Variants in AATK observed in about 807,000 individuals in gnomAD.
The protein encoded by AATK is serine/threonine-protein kinase LMTK1.
Under a neutral mutation model 114.3 loss-of-function variants are expected in AATK, and 91 were observed. The ratio of observed to expected loss-of-function variants is 0.80; its 90% CI spans 0.67 to 0.95. The LOEUF (loss-of-function observed/expected upper bound fraction) is 0.95, where lower values mean the gene tolerates loss of function less well. Ranked by LOEUF, AATK falls within the 40% of genes least tolerant of loss-of-function variation. The probability of loss-of-function intolerance (pLI) is 0.00; values close to 1 mark genes in which losing one functional copy is unlikely to be tolerated. For synonymous variants in AATK, 1,075 were observed against 916.5 expected (o/e 1.17, Z -3.12); for missense variants, 2,176 against 1,965.2 (o/e 1.11, Z -2.03).
At chr17:81,161,489 T>C (rs2061429145) in intron 1 of AATK, among the ~76,000 whole-genome samples, 1 of 152,094 alleles carries the variant, frequency 6.6e-6, no homozygotes, top group Non-Finnish European at 1.5e-5. Flanking sequence ...CGGGCATGGG[T>C]TTGGGGTGAC....
At chr17:81,137,150 C>G (rs948876090) in intron 1 of AATK, among the ~76,000 whole-genome samples, 1 of 151,694 alleles carries the variant, frequency 6.6e-6, no homozygotes, top group African/African-American at 2.4e-5. Flanking sequence ...CCAAGCCACA[C>G]AGGAGGCTGA....
chr17:81,119,987 T>TG lies in AATK; in HGVS notation c.3831dup (p.Asn1278GlnfsTer7). On this transcript the variant is annotated frameshift_variant, in exon 12 of 14. Transcript: ENST00000326724. LOFTEE classifies it high-confidence loss of function. ...GAGCCATCAGCCTGCTGCGGCCGGT[T>TG]GGGGGCGCTGGGAGAGCCGGGGCTC... The TG allele has an allele frequency of 6.9e-7, 1 of 1,446,388 alleles. No homozygotes were observed. 89.6% of individuals were successfully genotyped at this position (1,446,388 alleles called of 1,614,324 possible).
intron 1 of AATK, among the ~76,000 whole-genome samples, chr17:81,137,740 TG>T (rs1475999996): frequency 6.6e-6 from 1 of 151,368 alleles, no homozygotes. Flanking sequence ...GAAACATACA[TG>T]CACACGTAGC....
At chr17:81,142,061 T>G (rs1426607235) in intron 1 of AATK, among the ~76,000 whole-genome samples, 1 of 151,768 alleles carries the variant, frequency 6.6e-6, no homozygotes, top group Non-Finnish European at 1.5e-5. Flanking sequence ...GTTCAAGTGA[T>G]TCTCCCACCT....
chr17:81,128,452 C>A lies in AATK; in HGVS notation c.414+18G>T, dbSNP rs1402269667. The A allele has an allele frequency of 3.2e-6, 5 of 1,548,632 alleles. No homozygotes were observed. The highest frequency in any genetic ancestry group is 1.7e-6 in the Non-Finnish European group (2 of 1,146,770). On this transcript the variant is annotated intron_variant, in intron 4 of 13. Coordinates refer to ENST00000326724, the MANE Select transcript of AATK (RefSeq NM_001080395.3). Reference sequence around the variant, plus strand: ...TGCCTCCCAGGCGGGAGTCCTCCCTCCCAGGCGGGACACGTACCTTCCCGA... The same window carrying A: ...TGCCTCCCAGGCGGGAGTCCTCCCTACCAGGCGGGACACGTACCTTCCCGA...
At chr17:81,157,135 G>T (rs909050912) in intron 1 of AATK, among the ~76,000 whole-genome samples, 5 of 152,236 alleles carry the variant, frequency 3.3e-5, no homozygotes, top group Non-Finnish European at 5.9e-5. Context: ...CAGGGCAGGG[G>T]CTGTAAGTCA....
At position 81,121,010 on chromosome 17, in the gene AATK, CG is replaced by C; in HGVS notation, c.2925del (p.Glu976ArgfsTer128). On this transcript the variant is annotated frameshift_variant, in exon 11 of 14. Coordinates refer to ENST00000326724, the MANE Select transcript of AATK (RefSeq NM_001080395.3). LOFTEE classifies it high-confidence loss of function. ...CTGAGGGAGGTGGAGAGCCGTGTCT[CG>C]GGCCCGGGGCCCTCACCCTCTGAGG... is the stretch of plus-strand genomic sequence containing the variant. ...ELASEGEGPGPETRLSTSLSG... is the reference protein window; with the variant it reads ...ELASEGEGPGXETRLSTSLSG... 1 of 1,610,260 alleles carries C rather than the reference CG, an allele frequency of 6.2e-7. No homozygotes were observed.
chr17:81,160,317 C>CCCCCCCCCCCCCCA, intron 1 of AATK: 1 of 951,538 alleles, frequency 1.1e-6, no homozygotes, highest in Non-Finnish European at 1.3e-6. Flanking sequence ...CAGCCCGCCC[C>CCCCCCCCCCCCCCA]AGCCCCACCC....
In AATK at chr17:81,134,505, C is replaced by T. The variant is rs746531911; in HGVS notation, c.56-4G>A. 5.7e-5 allele frequency: 91 copies of T among 1,610,006 alleles called. No individual in the cohort carries two copies. Among genetic ancestry groups the T allele is most frequent in the Admixed American group, 2.0e-4 (12 of 59,582 alleles). Reference sequence around the variant, plus strand: ...AGCTCGCTGAGCGGGGCGCCGTCTGCGGGAGAGCAGTGTGGTGAGAGTGGC... The same window carrying T: ...AGCTCGCTGAGCGGGGCGCCGTCTGTGGGAGAGCAGTGTGGTGAGAGTGGC... On this transcript the variant is annotated splice_polypyrimidine_tract_variant and splice_region_variant and intron_variant, in intron 1 of 13. Transcript: ENST00000326724.
At position 81,120,344 on chromosome 17, in the gene AATK, C is replaced by T; in HGVS notation, c.3592G>A (p.Val1198Met). ...EEEAPAVPVV[V>M]AESQSARNLR... ...TTGCGCGCGCTCTGGCTCTCAGCCA[C>T]CACCACGGGCACCGCCGGCGCCTCC... is the stretch of plus-strand genomic sequence containing the variant. The change falls in exon 11 of 14, where the codon GTG becomes ATG. Residue 1198 changes from valine to methionine, a missense_variant. By Grantham distance (21) the Val-to-Met change is conservative. This residue lies in a region of AATK where 1,701 missense variants were observed against 1,394.7 expected (regional missense o/e 1.22). Coordinates refer to ENST00000326724, the MANE Select transcript of AATK (RefSeq NM_001080395.3). The T allele has an allele frequency of 1.2e-6, 2 of 1,610,384 alleles. No individual in the cohort carries two copies. Among genetic ancestry groups the T allele is most frequent in the Non-Finnish European group, 1.7e-6 (2 of 1,179,250 alleles).
At chr17:81,146,365 A>T (rs1001681199) in intron 1 of AATK, among the ~76,000 whole-genome samples, 2 of 151,762 alleles carry the variant, frequency 1.3e-5, no homozygotes, top group African/African-American at 2.4e-5. Flanking sequence ...TGTCCCAAAA[A>T]CAAAAACCAC....
At chr17:81,137,994 A>AC (rs988588453) in intron 1 of AATK, among the ~76,000 whole-genome samples, 1 of 149,704 alleles carries the variant, frequency 6.7e-6, no homozygotes, top group South Asian at 2.1e-4. Context: ...GCGTGCACAC[A>AC]CCCCCACACA....
At chr17:81,138,403 A>C (rs994376207) in intron 1 of AATK, among the ~76,000 whole-genome samples, 1 of 149,004 alleles carries the variant, frequency 6.7e-6, no homozygotes, top group African/African-American at 2.5e-5. Flanking sequence ...ACACACCCCC[A>C]CACGTGCGTG....
intron 1 of AATK, among the ~76,000 whole-genome samples, chr17:81,155,056 T>A (rs541872501): frequency 6.6e-6 from 1 of 152,360 alleles, no homozygotes; most frequent in Non-Finnish European, 1.5e-5. Flanking sequence ...TTCTCATTCA[T>A]CTTTGCACTT....
At chr17:81,128,302 G>A (rs879805355) in intron 4 of AATK, among the ~76,000 whole-genome samples, 168 bp downstream of exon 4, 9 of 152,132 alleles carry the variant, frequency 5.9e-5, no homozygotes, top group Non-Finnish European at 1.0e-4. Context: ...TAGGGAGAAG[G>A]GGATGCAGCC....
At position 81,137,970 on chromosome 17, in the gene AATK, GCAGA is replaced by G. The variant is rs1481325323; in HGVS notation, c.56-3473_56-3470del. Among the ~76,000 whole-genome samples the G allele has an allele frequency of 1.4e-4, 19 of 135,354 alleles. No individual in the cohort carries two copies. In the South Asian group the frequency reaches 2.0e-3, roughly 14 times the overall value. 88.8% of individuals were successfully genotyped at this position (135,354 alleles called of 152,430 possible). On this transcript the variant is annotated intron_variant, in intron 1 of 13. Transcript: ENST00000326724. ...CACGCACGCACACATCCACACACAC[GCAGA>G]CACCCACACGCGTGCACACACCCCC... is the stretch of plus-strand genomic sequence containing the variant.
rs776622918 is a variant in AATK at position 81,120,914 on chromosome 17, T to G, written c.3022A>C (p.Thr1008Pro). 6.3e-7 allele frequency: 1 copy of G among 1,597,042 alleles called. No homozygotes were observed. Among genetic ancestry groups the G allele is most frequent in the Admixed American group, 1.7e-5 (1 of 57,904 alleles). ...CCGCACTTCTTCTCTGGGCCTGAGG[T>G]GGCCTCGGCCTCAGCCTCGAGGTCT... ...FSDLEAEAEATSGPEKKCGGD... is the reference protein window; with the variant it reads ...FSDLEAEAEAPSGPEKKCGGD... Residue 1008 changes from threonine (T) to proline (P), a missense_variant, in exon 11 of 14, where the codon ACC (threonine) becomes CCC (proline). Coordinates refer to ENST00000326724, the MANE Select transcript of AATK (RefSeq NM_001080395.3).
chr17:81,135,794 C>G (rs1332508334), intron 1 of AATK: 1 of 152,358 alleles, frequency 6.6e-6, no homozygotes, highest in African/African-American at 2.4e-5. Context: ...GAAGAGGGAA[C>G]CAGGACGGCT....
At chr17:81,154,452 C>T (rs930476992) in intron 1 of AATK, among the ~76,000 whole-genome samples, 5 of 150,916 alleles carry the variant, frequency 3.3e-5, no homozygotes, top group African/African-American at 1.2e-4. Context: ...TCCCAGGTAA[C>T]TGGGATTACA....
Sources: allele counts gnomAD v4.1 joint callset (sites outside exome capture counted in the v4.1 genomes callset), GRCh38; gene constraint gnomAD v4.1.1; regional missense constraint gnomAD v4.1.1; transcripts MANE v1.5; gene names NCBI Gene and HGNC (gene_info 2026-07-23, HGNC 2026-07-21).